GTF2IRD2: variants seen among roughly 807,000 people sequenced by gnomAD.
The protein encoded by GTF2IRD2 is GTF2I repeat domain containing 2.
In GTF2IRD2, 8 loss-of-function variants were observed where a neutral mutation model predicts 49.2. The observed-to-expected ratio is 0.16, with a 90% confidence interval of 0.10 to 0.29. The LOEUF (loss-of-function observed/expected upper bound fraction) is 0.29. GTF2IRD2 is among the 10% of genes least tolerant of loss of function. The pLI is 1.00. For missense variants in GTF2IRD2, 130 were observed against 725.7 expected (o/e 0.18, Z 9.43); for synonymous variants, 47 against 289.7 (o/e 0.16, Z 8.51).
intron 2 of GTF2IRD2, 68 bp downstream of exon 2, chr7:74,836,212 T>G: frequency 6.3e-7 from 1 of 1,581,802 alleles, no homozygotes; most frequent in South Asian, 1.1e-5. Flanking sequence ...TACTGAAGTG[T>G]TTCATGATTC....
chr7:74,825,564 C>G (rs1799300924), intron 3 of GTF2IRD2, among the ~76,000 whole-genome samples: 1 of 140,056 alleles, frequency 7.1e-6, no homozygotes, highest in Non-Finnish European at 1.5e-5. Context: ...ATCTTTATAA[C>G]AGAAATTTGA....
chr7:74,806,645 C>T (rs1554417289), intron 12 of GTF2IRD2, among the ~76,000 whole-genome samples: 1 of 143,500 alleles, frequency 7.0e-6, no homozygotes, highest in Non-Finnish European at 1.5e-5. Context: ...AAACATTTCA[C>T]CTCTGTGGCC....
At chr7:74,818,910 T>TTTTTG (rs1365139501) in intron 8 of GTF2IRD2, 1 of 150,634 alleles carries the variant, frequency 6.6e-6, no homozygotes, top group Non-Finnish European at 1.5e-5. Context: ...TTTTTTTGTT[T>TTTTTG]TTTTGTTTTT....
At chr7:74,798,523 T>A (rs587621613) in intron 15 of GTF2IRD2, among the ~76,000 whole-genome samples, 1 of 151,648 alleles carries the variant, frequency 6.6e-6, no homozygotes, top group African/African-American at 2.4e-5. Context: ...TTGTCGTTGT[T>A]GTTGAGACGG....
chr7:74,799,947 C>G (rs1797396357), intron 15 of GTF2IRD2, among the ~76,000 whole-genome samples: 2 of 90,572 alleles, frequency 2.2e-5, no homozygotes, highest in Non-Finnish European at 4.3e-5. Flanking sequence ...AAAAAATTAT[C>G]TGGGCATGGC....
At chr7:74,820,624 G>GAGA in intron 6 of GTF2IRD2, 2 of 12,294 alleles carry the variant, frequency 1.6e-4, no homozygotes, top group Admixed American at 4.0e-4. Context: ...AATCCACGCT[G>GAGA]TCTACACTAC....
intron 8 of GTF2IRD2, among the ~76,000 whole-genome samples, chr7:74,815,854 GAAA>G (rs1798492629): frequency 1.1e-3 from 119 of 106,978 alleles, no homozygotes; most frequent in African/African-American, 4.2e-3. Context: ...AAGAAAGAAA[GAAA>G]GAAAGAAAGA....
At chr7:74,819,132 C>T (rs1798716707) in intron 8 of GTF2IRD2, 2 of 242,862 alleles carry the variant, frequency 8.2e-6, no homozygotes, top group Admixed American at 1.0e-4. Context: ...ACTATGTTGG[C>T]CAGGATGGTC....
intron 3 of GTF2IRD2, among the ~76,000 whole-genome samples, chr7:74,828,639 C>T (rs1554420047): frequency 3.2e-5 from 1 of 31,208 alleles, no homozygotes; most frequent in African/African-American, 8.6e-5. Context: ...AGCCAGTGCA[C>T]TCCAGCCTGG....
At chr7:74,799,921 C>CAAAAA (rs1160840166) in intron 15 of GTF2IRD2, among the ~76,000 whole-genome samples, 2 of 13,930 alleles carry the variant, frequency 1.4e-4, no homozygotes, top group African/African-American at 1.0e-3. Flanking sequence ...CCTGTCTCTA[C>CAAAAA]AAAAAAAAAA....
chr7:74,825,448 T>C (rs1251941525), intron 3 of GTF2IRD2, among the ~76,000 whole-genome samples: 3 of 119,054 alleles, frequency 2.5e-5, no homozygotes, highest in African/African-American at 3.2e-5. Context: ...GATCTCACTA[T>C]GTTGCCCAGG....
chr7:74,842,280 A>T (rs1554421985), intron 1 of GTF2IRD2, among the ~76,000 whole-genome samples: 1 of 120,148 alleles, frequency 8.3e-6, no homozygotes, highest in Admixed American at 9.1e-5. Context: ...CCCAGGCTGG[A>T]GTGCAGTGGC....
intron 3 of GTF2IRD2, among the ~76,000 whole-genome samples, chr7:74,831,504 TACACACACAC>T (rs4029807): frequency 9.2e-5 from 11 of 119,458 alleles, no homozygotes; most frequent in Admixed American, 3.5e-4. Flanking sequence ...TCTCTGTACA[TACACACACAC>T]ACACACACAC....
intron 3 of GTF2IRD2, among the ~76,000 whole-genome samples, chr7:74,825,666 CA>C (rs1185797250): frequency 6.6e-6 from 1 of 150,434 alleles, no homozygotes; most frequent in Non-Finnish European, 1.5e-5. Context: ...ATTGCTCCTC[CA>C]AAAGTTTTAA....
intron 2 of GTF2IRD2, 66 bp downstream of exon 2, chr7:74,836,214 T>G (rs1190136772): frequency 3.7e-5 from 58 of 1,585,312 alleles, no homozygotes; most frequent in Non-Finnish European, 4.8e-5. Flanking sequence ...CTGAAGTGTT[T>G]CATGATTCTG....
In GTF2IRD2 at chr7:74,831,280, T is replaced by C. The variant is rs587614662; in HGVS notation, c.238+1525A>G. Among the ~76,000 whole-genome samples the C allele has an allele frequency of 3.5e-3, 534 of 150,818 alleles. 2 individuals are homozygous for C. Among genetic ancestry groups the C allele is most frequent in the African/African-American group, 0.012 (511 of 41,190 alleles). On this transcript the variant is annotated intron_variant, in intron 3 of 15. Coordinates refer to ENST00000451013, the MANE Select transcript of GTF2IRD2 (RefSeq NM_173537.5). ...ATATAATTCCTGTCTCCCTTATCTA[T>C]CCATCCATCTAAGCTATCTACATAC...
chr7:74,822,959 C>A, intron 4 of GTF2IRD2, 152 bp from the exon 5 acceptor site: 1 of 485,754 alleles, frequency 2.1e-6, no homozygotes, highest in Non-Finnish European at 3.6e-6. Flanking sequence ...TCGCTGCAAC[C>A]TCCACCTCCT....
Position 74,797,939 on chromosome 7 carries a change from G to C in GTF2IRD2, c.1573C>G (p.Pro525Ala). 7.4e-7 allele frequency: 1 copy of C among 1,350,158 alleles called. No homozygotes were observed. The highest frequency in any genetic ancestry group is 1.0e-6 in the Non-Finnish European group (1 of 992,042). The allele number at this position is 1,350,158 out of a possible 1,614,324, so 83.6% of individuals were successfully genotyped here. Reference sequence around the variant, plus strand: ...AAGTTCCCAGCTAGGTCCTCTACAGGCTGCACGGGGGATTTCTGGGTTGGA... The same window carrying C: ...AAGTTCCCAGCTAGGTCCTCTACAGCCTGCACGGGGGATTTCTGGGTTGGA... The part of the protein sequence containing the change: ...PSPTQKSPVQ[P>A]VEDLAGNLWE... Residue 525 changes from proline (P) to alanine (A), a missense_variant, in exon 16 of 16, where the codon CCT (proline) becomes GCT (alanine). Physicochemically the swap from Pro to Ala is conservative, Grantham distance 27 (BLOSUM62 -1). Coordinates refer to ENST00000451013, the MANE Select transcript of GTF2IRD2 (RefSeq NM_173537.5).
At chr7:74,841,907 C>T (rs1441004875) in intron 1 of GTF2IRD2, among the ~76,000 whole-genome samples, 6 of 139,482 alleles carry the variant, frequency 4.3e-5, no homozygotes, top group South Asian at 2.4e-4. Context: ...GGACGGATCA[C>T]GAGGTCAAGA....
Sources: gnomAD v4.1 joint callset for allele counts (sites outside exome capture counted in the v4.1 genomes callset) on GRCh38, gnomAD v4.1.1 for gene constraint, MANE v1.5 for transcripts, NCBI Gene and HGNC (gene_info 2026-07-23, HGNC 2026-07-21) for gene names.